The following UGT1A10 variants were observed in gnomAD, a reference collection of about 807,000 sequenced individuals.
UGT1A10 encodes the protein UDP glucuronosyltransferase family 1 member A10.
Under a neutral mutation model 45.8 loss-of-function variants are expected in UGT1A10, and 49 were observed. The ratio of observed to expected loss-of-function variants is 1.07; its 90% CI spans 0.85 to 1.36. The LOEUF (loss-of-function observed/expected upper bound fraction) is 1.36. Ranked by LOEUF, UGT1A10 falls within the 40% of genes most tolerant of loss-of-function variation. UGT1A10 has a pLI of 0.00. For missense variants in UGT1A10, 745 were observed against 668.6 expected, an observed-to-expected ratio of 1.11 and a Z score of -1.26; for synonymous variants, 284 against 249.7, an observed-to-expected ratio of 1.14 and a Z score of -1.29.
chr2:233,677,153 A>G (rs1009702326), intron 1 of UGT1A10, among the ~76,000 whole-genome samples: 1 of 152,154 alleles, frequency 6.6e-6, no homozygotes, highest in African/African-American at 2.4e-5. Flanking sequence ...CATCTTAGCA[A>G]TTTTGAGTTT....
intron 1 of UGT1A10, among the ~76,000 whole-genome samples, chr2:233,650,568 A>G (rs1211660501): frequency 3.9e-5 from 6 of 152,218 alleles, no homozygotes; most frequent in Admixed American, 3.9e-4. Context: ...CCTTCTTAAA[A>G]GGAATTACTC....
At position 233,747,601 on chromosome 2, in the gene UGT1A10, AGCTACT is replaced by A. The variant is rs1032585099; in HGVS notation, c.856-19430_856-19425del. 3.2e-6 allele frequency: 5 copies of A among 1,575,002 alleles called. No individual in the cohort carries two copies. In the African/African-American group the frequency reaches 6.8e-5, roughly 21 times the overall value. The stretch of plus-strand genomic sequence containing the variant: ...TTGGTCTTTCATAGGTCTTGTGTGG[AGCTACT>A]GCATAATGAGGCCCTGATCAGGCAC... On this transcript the variant is annotated intron_variant, in intron 1 of 4. Transcript: ENST00000344644.
chr2:233,664,405 A>C (rs1465530623), intron 1 of UGT1A10, among the ~76,000 whole-genome samples: 1 of 152,132 alleles, frequency 6.6e-6, no homozygotes, highest in African/African-American at 2.4e-5. Context: ...GTTGGTACCA[A>C]TTTTCTACCC....
At chr2:233,656,570 C>T (rs2073858194) in intron 1 of UGT1A10, among the ~76,000 whole-genome samples, 2 of 152,188 alleles carry the variant, frequency 1.3e-5, no homozygotes, top group Non-Finnish European at 2.9e-5. Context: ...CATGACTCAA[C>T]TCTTGCCTGG....
rs781726471 is a variant in UGT1A10 at position 233,672,803 on chromosome 2, C to T, written c.855+35426C>T. ...CCGTTGCCTATGGTAAGTTATCTCT[C>T]CTTTAGCACCTTAAGAATACTTCAC... On this transcript the variant is annotated intron_variant, in intron 1 of 4. Coordinates refer to ENST00000344644, the MANE Select transcript of UGT1A10 (RefSeq NM_019075.4). 3 of 1,607,532 alleles carry T rather than the reference C, an allele frequency of 1.9e-6. No individual in the cohort carries two copies. In the African/African-American group the frequency reaches 4.0e-5, roughly 22 times the overall value.
At chr2:233,663,284 A>G (rs1292166762) in intron 1 of UGT1A10, among the ~76,000 whole-genome samples, 2 of 152,214 alleles carry the variant, frequency 1.3e-5, no homozygotes, top group Non-Finnish European at 1.5e-5. Context: ...CCGGAGTTTT[A>G]TTATTACTCA....
At chr2:233,767,333 T>C (rs921656362) in intron 2 of UGT1A10, among the ~76,000 whole-genome samples, 168 bp downstream of exon 2, 5 of 152,208 alleles carry the variant, frequency 3.3e-5, no homozygotes, top group African/African-American at 1.2e-4. Flanking sequence ...GTTGTTGTCA[T>C]TGTTTTCAAT....
At chr2:233,670,462 G>T (rs538777395) in intron 1 of UGT1A10, among the ~76,000 whole-genome samples, 1 of 152,354 alleles carries the variant, frequency 6.6e-6, no homozygotes, top group Admixed American at 6.5e-5. Flanking sequence ...GCCCATTCAT[G>T]GAAGGGTTTG....
intron 1 of UGT1A10, chr2:233,690,816 C>G: frequency 2.8e-6 from 3 of 1,075,614 alleles, no homozygotes; most frequent in African/African-American, 3.4e-5. Flanking sequence ...TTAGTACAGT[C>G]AAAGCTCACA....
chr2:233,667,196 C>T (rs2074097854), intron 1 of UGT1A10, among the ~76,000 whole-genome samples: 1 of 152,102 alleles, frequency 6.6e-6, no homozygotes, highest in Admixed American at 6.6e-5. Context: ...AATAGTATTT[C>T]TAGTTCTAGA....
In UGT1A10 at chr2:233,743,176, T is replaced by C. The variant is rs28900375; in HGVS notation, c.856-23858T>C. 1,765 of 366,612 alleles carry C rather than the reference T, an allele frequency of 4.8e-3. 64 individuals are homozygous for C. The highest frequency in any genetic ancestry group is 0.035 in the African/African-American group (1,636 of 46,622). 22.7% of individuals were successfully genotyped at this position (366,612 alleles called of 1,614,324 possible). On this transcript the variant is annotated intron_variant, in intron 1 of 4. Coordinates refer to ENST00000344644, the MANE Select transcript of UGT1A10 (RefSeq NM_019075.4). The stretch of plus-strand genomic sequence containing the variant: ...TCCTCCAGATGTGCTTAAAGTCAAA[T>C]GTGGACTGGAATTACTTGGTGTCAA...
At chr2:233,659,546 C>T (rs2073924744) in intron 1 of UGT1A10, among the ~76,000 whole-genome samples, 1 of 152,008 alleles carries the variant, frequency 6.6e-6, no homozygotes, top group Non-Finnish European at 1.5e-5. Context: ...TTTTGATTGT[C>T]CTCCACTGAG....
chr2:233,650,988 A>G (rs1317929807), intron 1 of UGT1A10, among the ~76,000 whole-genome samples: 3 of 152,202 alleles, frequency 2.0e-5, no homozygotes, highest in Non-Finnish European at 4.4e-5. Context: ...TGTCTCACAC[A>G]TCGGCAGCTG....
intron 1 of UGT1A10, chr2:233,693,903 TC>T: frequency 6.2e-7 from 1 of 1,613,478 alleles, no homozygotes; most frequent in Non-Finnish European, 8.5e-7. Flanking sequence ...CCTTGTTTCT[TC>T]CAGGCTCTGT....
chr2:233,716,153 A>G (rs2076488369), intron 1 of UGT1A10, among the ~76,000 whole-genome samples: 1 of 152,066 alleles, frequency 6.6e-6, no homozygotes. Flanking sequence ...TTCCATTTCC[A>G]TGGAGATGCA....
At chr2:233,767,269 G>C (rs1288837009) in intron 2 of UGT1A10, 104 bp downstream of exon 2, 10 of 1,582,566 alleles carry the variant, frequency 6.3e-6, no homozygotes, top group Non-Finnish European at 8.5e-7. Flanking sequence ...CTTAGATTTG[G>C]CTTTTCCCTG....
At chr2:233,694,475 C>T (rs1176108446) in intron 1 of UGT1A10, among the ~76,000 whole-genome samples, 1 of 152,164 alleles carries the variant, frequency 6.6e-6, no homozygotes, top group Non-Finnish European at 1.5e-5. Flanking sequence ...GGTATGGCCT[C>T]TGACCTAAGA....
At chr2:233,764,888 CAA>C (rs869174020) in intron 1 of UGT1A10, among the ~76,000 whole-genome samples, 32 of 147,518 alleles carry the variant, frequency 2.2e-4, no homozygotes, top group African/African-American at 8.0e-4. Flanking sequence ...AAGGCAAAGA[CAA>C]AGCCCTTAAG....
intron 1 of UGT1A10, among the ~76,000 whole-genome samples, chr2:233,642,506 C>G (rs564230416): frequency 1.3e-5 from 2 of 152,224 alleles, no homozygotes; most frequent in African/African-American, 2.4e-5. Flanking sequence ...GTTTCTCCAG[C>G]GTTAGTCCCT....
Sources: gnomAD v4.1 joint callset for allele counts (sites outside exome capture counted in the v4.1 genomes callset) on GRCh38, gnomAD v4.1.1 for gene constraint, MANE v1.5 for transcripts, NCBI Gene and HGNC (gene_info 2026-07-23, HGNC 2026-07-21) for gene names.